Variants in SPATA13 observed in about 807,000 individuals in gnomAD.
SPATA13 encodes spermatogenesis associated 13, also known as spermatogenesis-associated protein 13.
Under a neutral mutation model 104.0 loss-of-function variants are expected in SPATA13, and 50 were observed. That is an observed-to-expected ratio of 0.48 (90% CI 0.38 to 0.61). The LOEUF (loss-of-function observed/expected upper bound fraction) is 0.61, where lower values mean the gene tolerates loss of function less well. SPATA13 is among the 20% of genes least tolerant of loss of function. The pLI, the probability that SPATA13 is intolerant of heterozygous loss-of-function variation, is 0.00. For missense variants in SPATA13, 1,524 were observed against 1,690.6 expected, an observed-to-expected ratio of 0.90 and a Z score of 1.73; for synonymous variants, 606 against 667.5, an observed-to-expected ratio of 0.91 and a Z score of 1.42.
intron 3 of SPATA13, among the ~76,000 whole-genome samples, chr13:24,118,394 C>T (rs146490233): frequency 3.3e-5 from 5 of 152,206 alleles, no homozygotes; most frequent in East Asian, 1.9e-4. Context: ...ACTCCTGGCA[C>T]GTGTGGATTA....
chr13:24,247,393 A>C (rs185498184), intron 2 of SPATA13, among the ~76,000 whole-genome samples: 1 of 150,482 alleles, frequency 6.6e-6, no homozygotes, highest in Admixed American at 6.6e-5. Flanking sequence ...TCACTTCTTT[A>C]GGTCCCAGTT....
At position 24,093,175 on chromosome 13, in the gene SPATA13, C is replaced by T. The variant is rs1291610276; in HGVS notation, c.-112+75474C>T. 4.6e-5 allele frequency among the ~76,000 whole-genome samples: 7 copies of T among 152,336 alleles called. No individual in the cohort carries two copies. In the East Asian group the frequency reaches 1.3e-3, roughly 29 times the overall value. ...TCATAAGGTTAAAAGGTCAGGCTGCCTGAGAGACATCAGTGGGAATCTGCT... is the reference window on the plus strand; with the variant it reads ...TCATAAGGTTAAAAGGTCAGGCTGCTTGAGAGACATCAGTGGGAATCTGCT... On this transcript the variant is annotated intron_variant, in intron 3 of 14. Transcript: ENST00000424834.
At chr13:24,016,629 G>A (rs1041442989) in intron 2 of SPATA13, among the ~76,000 whole-genome samples, 2 of 152,224 alleles carry the variant, frequency 1.3e-5, no homozygotes. Flanking sequence ...CTGCAGGGCT[G>A]TGGGGGTACC....
chr13:23,982,314 C>T (rs1366442166), intron 1 of SPATA13, among the ~76,000 whole-genome samples: 1 of 152,162 alleles, frequency 6.6e-6, no homozygotes, highest in Admixed American at 6.5e-5. Context: ...TGGGAAACCT[C>T]TTTGAACTAA....
Position 24,304,422 on chromosome 13 carries a change from C to G in SPATA13, c.*1649C>G, listed in dbSNP as rs1053427947. 12 of 151,950 alleles carry G rather than the reference C, an allele frequency of 7.9e-5. No homozygotes were observed. The highest frequency in any genetic ancestry group is 2.9e-4 in the African/African-American group (12 of 41,388). The allele number at this position is 151,950 out of a possible 1,614,324, so 9.4% of individuals were successfully genotyped here. A position where few individuals can be genotyped will look rare whatever the true frequency, so the allele number is the denominator to read the frequency against. On this transcript the variant is annotated 3_prime_UTR_variant, in exon 13 of 13. Coordinates refer to ENST00000382108, the MANE Select transcript of SPATA13 (RefSeq NM_001166271.3). ...GCTGTGTTAAACTGTTAATGGATATCTATATGAGAAGCTCATTTTTGTATG... is the reference window on the plus strand; with the variant it reads ...GCTGTGTTAAACTGTTAATGGATATGTATATGAGAAGCTCATTTTTGTATG...
intron 1 of SPATA13, chr13:23,983,595 G>A (rs1161805260): frequency 6.6e-6 from 1 of 151,372 alleles, no homozygotes; most frequent in African/African-American, 2.4e-5. Context: ...CAAATAAATG[G>A]TTGAGCAAAT....
intron 3 of SPATA13, among the ~76,000 whole-genome samples, chr13:24,153,331 C>A (rs1566123398): frequency 6.6e-6 from 1 of 152,156 alleles, no homozygotes; most frequent in Non-Finnish European, 1.5e-5. Context: ...ACGTGGCTGG[C>A]CTTCACTCTG....
chr13:24,137,683 T>TG (rs936728595), intron 3 of SPATA13, among the ~76,000 whole-genome samples: 1 of 152,014 alleles, frequency 6.6e-6, no homozygotes. Flanking sequence ...TGCTTGAGCC[T>TG]GGGGGGCGGA....
Position 24,286,239 on chromosome 13 carries a change from G to T in SPATA13, c.2327G>T (p.Cys776Phe), listed in dbSNP as rs1282848401. The change falls in exon 6 of 13, where the codon TGC (cysteine) becomes TTC (phenylalanine). Residue 776 changes from cysteine to phenylalanine, a missense_variant. Around this residue, in one of 2 missense-constraint regions of SPATA13, gnomAD observed 1,089 missense variants for 1,135.9 expected, o/e 0.96. Coordinates refer to ENST00000382108, the MANE Select transcript of SPATA13 (RefSeq NM_001166271.3). The surrounding 1 kb of genome is among the most constrained non-coding windows in gnomAD (Gnocchi z 4.9). Reference protein sequence around the residue: ...NELISDGNVVCAEALWDHVTM... With the variant: ...NELISDGNVVFAEALWDHVTM... ...CTGATCAGTGATGGCAACGTGGTCTGCGCAGAAGCCCTGTGGGACCATGTG... is the reference window on the plus strand; with the variant it reads ...CTGATCAGTGATGGCAACGTGGTCTTCGCAGAAGCCCTGTGGGACCATGTG... 2 of 1,613,620 alleles carry T rather than the reference G, an allele frequency of 1.2e-6. No homozygotes were observed. Among genetic ancestry groups the T allele is most frequent in the African/African-American group, 2.7e-5 (2 of 74,904 alleles).
chr13:24,121,105 G>T (rs1359607124), intron 3 of SPATA13, among the ~76,000 whole-genome samples: 3 of 152,092 alleles, frequency 2.0e-5, no homozygotes, highest in Non-Finnish European at 4.4e-5. Flanking sequence ...CTTAAGAGTA[G>T]AACTTTATAT....
chr13:24,059,655 C>CTTGAAAAATATA (rs1878708325), intron 3 of SPATA13, among the ~76,000 whole-genome samples: 1 of 152,154 alleles, frequency 6.6e-6, no homozygotes, highest in African/African-American at 2.4e-5. Context: ...ATAAGTGTGT[C>CTTGAAAAATATA]CATTTTATAA....
chr13:24,209,271 G>A (rs964357361), intron 1 of SPATA13, among the ~76,000 whole-genome samples: 1 of 152,146 alleles, frequency 6.6e-6, no homozygotes, highest in African/African-American at 2.4e-5. Context: ...CCTCAGTTAG[G>A]CTTTTAGTTG....
rs555240928 is a variant in SPATA13, at chr13:24,088,199, G to T, written c.-112+70498G>T. Reference sequence around the variant, plus strand: ...GTGTCCTGGCAGACAGGGAACTGGCGTGTTAATGCTCCCTAGGCAGCACTG... The same window carrying T: ...GTGTCCTGGCAGACAGGGAACTGGCTTGTTAATGCTCCCTAGGCAGCACTG... On this transcript the variant is annotated intron_variant, in intron 3 of 14. Coordinates refer to the SPATA13 transcript ENST00000424834. The surrounding 1 kb of genome is among the most constrained non-coding windows in gnomAD (Gnocchi z 4.3). Among the ~76,000 whole-genome samples, 1 of 152,310 alleles carries T rather than the reference G, an allele frequency of 6.6e-6. No homozygotes were observed. The highest frequency in any genetic ancestry group is 2.4e-5 in the African/African-American group (1 of 41,568).
At chr13:24,242,703 A>G (rs1240917038) in intron 2 of SPATA13, among the ~76,000 whole-genome samples, 1 of 152,194 alleles carries the variant, frequency 6.6e-6, no homozygotes, top group Admixed American at 6.5e-5. Context: ...CTTTGGCGTT[A>G]AAAATACCAC....
intron 4 of SPATA13, among the ~76,000 whole-genome samples, chr13:24,258,629 A>G (rs1873908789): frequency 1.3e-5 from 2 of 151,506 alleles, no homozygotes; most frequent in African/African-American, 4.9e-5. Context: ...AGATCGCACC[A>G]CTGCACCCAG....
chr13:24,112,349 C>A (rs1413832440), intron 3 of SPATA13, among the ~76,000 whole-genome samples: 2 of 152,198 alleles, frequency 1.3e-5, no homozygotes, highest in Non-Finnish European at 2.9e-5. Context: ...CCTACAGCAC[C>A]TTCTGTGCCA....
chr13:24,024,696 A>G (rs2312603), intron 3 of SPATA13, among the ~76,000 whole-genome samples: 80,923 of 150,814 alleles, frequency 0.54, 21,844 homozygotes, highest in Middle Eastern at 0.57. Context: ...AAAATGTTAT[A>G]TATTATATAT....
intron 3 of SPATA13, among the ~76,000 whole-genome samples, chr13:24,074,681 A>G (rs999623947): frequency 6.6e-6 from 1 of 152,178 alleles, no homozygotes; most frequent in African/African-American, 2.4e-5. Context: ...TGCTCAAATA[A>G]CTGAATCCTG....
At chr13:24,186,623 T>C (rs564023218) in intron 1 of SPATA13, among the ~76,000 whole-genome samples, 64 of 152,330 alleles carry the variant, frequency 4.2e-4, no homozygotes, top group African/African-American at 1.5e-3. Context: ...GAGAAGTTAG[T>C]TCCCTTTCAG....
Sources: gnomAD v4.1 joint callset for allele counts (sites outside exome capture counted in the v4.1 genomes callset) on GRCh38, gnomAD v4.1.1 for gene constraint, gnomAD v4.1.1 regional missense constraint, Gnocchi (gnomAD v3.1) non-coding constraint, MANE v1.5 for transcripts, NCBI Gene and HGNC (gene_info 2026-07-23, HGNC 2026-07-21) for gene names.